SPATA24: variants seen among roughly 807,000 people sequenced by gnomAD.
SPATA24 encodes the protein spermatogenesis associated 24, also known as spermatogenesis-associated protein 24.
In SPATA24, 21 loss-of-function variants were observed where a neutral mutation model predicts 28.9. The observed-to-expected ratio is 0.73, with a 90% CI of 0.52 to 1.05. The LOEUF (loss-of-function observed/expected upper bound fraction) is 1.05. SPATA24 is among the 50% of genes least tolerant of loss of function. The pLI is 0.00. For missense variants in SPATA24, 215 were observed against 242.9 expected, an observed-to-expected ratio of 0.88 and a Z score of 0.76; for synonymous variants, 76 against 89.9, an observed-to-expected ratio of 0.85 and a Z score of 0.88.
chr5:139,404,037 C>T lies in SPATA24; in HGVS notation c.24G>A (p.Ser8=). 6.4e-7 allele frequency: 1 copy of T among 1,551,828 alleles called. No homozygotes were observed. Among genetic ancestry groups the T allele is most frequent in the African/African-American group, 1.4e-5 (1 of 73,170 alleles). Residue 8 remains serine (S), a synonymous_variant, in exon 1 of 6, where the codon TCG becomes TCA. Transcript: ENST00000450845. ...GACACACAGATCCTGACCCCGCCTT[C>T]GACCACCCGAGGGGCGTCGCCATCT... MATPLGW[S]KAGSGSVCLA...
rs1047869591 is a variant in SPATA24 at position 139,401,914 on chromosome 5, C to T, written c.314+1G>A. 32 of 1,551,592 alleles carry T rather than the reference C, an allele frequency of 2.1e-5. No individual in the cohort carries two copies. The highest frequency in any genetic ancestry group is 2.7e-5 in the African/African-American group (2 of 73,008). ...CACACCCCGTACTGAGGCCCACTCACGCTTTTTCAAAGGCCAGCTTCTCTT... is the reference window on the plus strand; with the variant it reads ...CACACCCCGTACTGAGGCCCACTCATGCTTTTTCAAAGGCCAGCTTCTCTT... On this transcript the variant is annotated splice_donor_variant, in intron 3 of 5. Coordinates refer to ENST00000450845, the MANE Select transcript of SPATA24 (RefSeq NM_194296.2). LOFTEE classifies it high-confidence loss of function.
At chr5:139,394,900 G>T, downstream of SPATA24, 1 of 1,511,494 alleles carries the variant, frequency 6.6e-7, no homozygotes, top group African/African-American at 1.5e-5. Context: ...CCCCCGCCCA[G>T]GAGCCACCCA....
chr5:139,392,972 T>A (rs1266711902), downstream of SPATA24: 1 of 1,504,600 alleles, frequency 6.6e-7, no homozygotes, highest in South Asian at 1.3e-5. The surrounding 1 kb of genome is among the most constrained non-coding windows in gnomAD (Gnocchi z 5.8). Flanking sequence ...CGGGCGACCG[T>A]GTCGAAGGAC....
At chr5:139,395,903 C>G (rs909051917), downstream of SPATA24, among the ~76,000 whole-genome samples, 2 of 152,220 alleles carry the variant, frequency 1.3e-5, no homozygotes, top group Non-Finnish European at 2.9e-5. Context: ...GCGGCCAGAA[C>G]AGCCCTGTGC....
downstream of SPATA24, chr5:139,392,802 G>A: frequency 6.7e-7 from 1 of 1,494,664 alleles, no homozygotes; most frequent in Non-Finnish European, 8.9e-7. The surrounding 1 kb of genome is among the most constrained non-coding windows in gnomAD (Gnocchi z 5.8). Context: ...CTACATCCCT[G>A]TTCTCTCCTC....
downstream of SPATA24, chr5:139,394,979 A>G: frequency 1.3e-6 from 2 of 1,510,580 alleles, no homozygotes; most frequent in Non-Finnish European, 1.8e-6. Context: ...GGAGCCGTGT[A>G]GTAGGAGCCT....
chr5:139,393,552 AG>A, downstream of SPATA24: 1 of 1,551,212 alleles, frequency 6.4e-7, no homozygotes, highest in Non-Finnish European at 8.7e-7. Flanking sequence ...AAGTTCCAAT[AG>A]GACGATCTGG....
chr5:139,404,015 A>G lies in SPATA24; in HGVS notation c.46T>C (p.Cys16Arg). The change falls in exon 1 of 6, where the codon TGT (cysteine) becomes CGT (arginine). Residue 16 changes from cysteine to arginine, a missense_variant. Coordinates refer to ENST00000450845, the MANE Select transcript of SPATA24 (RefSeq NM_194296.2). ...GWSKAGSGSV[C>R]LALDQLRDVI... ...TCCCGCAGTTGATCTAAAGCGAGAC[A>G]CACAGATCCTGACCCCGCCTTCGAC... The G allele has an allele frequency of 1.3e-6, 2 of 1,551,968 alleles. No individual in the cohort carries two copies. The highest frequency in any genetic ancestry group is 1.7e-6 in the Non-Finnish European group (2 of 1,147,070).
At chr5:139,394,992 C>T, downstream of SPATA24, 1 of 1,500,804 alleles carries the variant, frequency 6.7e-7, no homozygotes, top group South Asian at 1.3e-5. Context: ...AGGAGCCTGA[C>T]GAACCGGAGG....
chr5:139,398,144 G>T (rs760916262), intron 4 of SPATA24, among the ~76,000 whole-genome samples: 2 of 152,228 alleles, frequency 1.3e-5, no homozygotes, highest in African/African-American at 4.8e-5. Context: ...CCAGCCTTGT[G>T]CTAGGGCTTC....
chr5:139,403,929 C>A lies in SPATA24; in HGVS notation c.117+15G>T. 1 of 1,549,216 alleles carries A rather than the reference C, an allele frequency of 6.5e-7. No homozygotes were observed. The highest frequency in any genetic ancestry group is 1.2e-5 in the South Asian group (1 of 84,006). ...ATCCGGCCCCGCCTCTCCCCAAACT[C>A]CTCTGGCTGCATACCACGTTCCTCA... On this transcript the variant is annotated intron_variant, in intron 1 of 5. Coordinates refer to ENST00000450845, the MANE Select transcript of SPATA24 (RefSeq NM_194296.2).
At chr5:139,395,409 A>C, downstream of SPATA24, 1 of 275,412 alleles carries the variant, frequency 3.6e-6, no homozygotes, top group Admixed American at 5.4e-5. Context: ...TCCACCTATC[A>C]CAGGTGAGGA....
rs370748887 is a variant in SPATA24, at chr5:139,399,337, T to G, written c.386-2194A>C. 3.3e-3 allele frequency among the ~76,000 whole-genome samples: 493 copies of G among 147,648 alleles called. 4 individuals are homozygous for G. The highest frequency in any genetic ancestry group is 0.011 in the African/African-American group (464 of 40,466). On this transcript the variant is annotated intron_variant, in intron 4 of 5. Coordinates refer to ENST00000450845, the MANE Select transcript of SPATA24 (RefSeq NM_194296.2). ...ATCTCAAAAAAAAAAAAAAAAAGGT[T>G]GGACAAGAATTAACTAGAACACAAA...
At chr5:139,395,361 C>T (rs1758683190), downstream of SPATA24, 1 of 371,458 alleles carries the variant, frequency 2.7e-6, no homozygotes, top group African/African-American at 2.1e-5. Context: ...ATGGCAGGCC[C>T]AACTTTCAAA....
intron 4 of SPATA24, among the ~76,000 whole-genome samples, chr5:139,398,819 T>A (rs185135295): frequency 0.22 from 17,425 of 79,022 alleles, 3,149 homozygotes; most frequent in African/African-American, 0.45. Context: ...AGGTCAGGAG[T>A]TTGAGACCAG....
chr5:139,393,655 G>A (rs1320210176), downstream of SPATA24: 1 of 1,550,892 alleles, frequency 6.4e-7, no homozygotes. Flanking sequence ...CCACAGGGAA[G>A]GGGCTTCGAG....
At chr5:139,397,389 A>G (rs1011447642) in intron 4 of SPATA24, among the ~76,000 whole-genome samples, 1 of 152,114 alleles carries the variant, frequency 6.6e-6, no homozygotes, top group Non-Finnish European at 1.5e-5. Context: ...AGGGCAGGAG[A>G]AGGTCCTTGG....
At chr5:139,393,352 C>T (rs1342641177), downstream of SPATA24, 1 of 1,551,316 alleles carries the variant, frequency 6.4e-7, no homozygotes, top group African/African-American at 1.4e-5. Flanking sequence ...CTGCTGACTC[C>T]CTCCAAAGGC....
downstream of SPATA24, chr5:139,395,539 C>T (rs942409632): frequency 7.4e-5 from 12 of 161,446 alleles, no homozygotes; most frequent in Non-Finnish European, 9.4e-5. Context: ...ATTTCATCTT[C>T]CCCTCAGCCC....
Sources: gnomAD v4.1 joint callset for allele counts (sites outside exome capture counted in the v4.1 genomes callset) on GRCh38, gnomAD v4.1.1 for gene constraint, Gnocchi (gnomAD v3.1) non-coding constraint, MANE v1.5 for transcripts, NCBI Gene and HGNC (gene_info 2026-07-23, HGNC 2026-07-21) for gene names.